ABTB3: variants seen among roughly 807,000 people sequenced by gnomAD.
The protein encoded by ABTB3 is ankyrin repeat and BTB domain containing 3.
chr12:107,610,302 A>C, the ABTB3 span: 1 of 1,614,140 alleles, frequency 6.2e-7, no homozygotes. Flanking sequence ...AGACCTGGTG[A>C]AGCAGGCAGT....
At chr12:107,392,350 G>T in the ABTB3 span, among the ~76,000 whole-genome samples, 1 of 152,018 alleles carries the variant, frequency 6.6e-6, no homozygotes, top group African/African-American at 2.4e-5. Context: ...ACTGTTCCTG[G>T]GGATCTGACC....
the ABTB3 span, among the ~76,000 whole-genome samples, chr12:107,389,433 T>C: frequency 6.6e-6 from 1 of 152,140 alleles, no homozygotes; most frequent in East Asian, 1.9e-4. Context: ...TGATAGAGCT[T>C]ATAAATGATA....
the ABTB3 span, among the ~76,000 whole-genome samples, chr12:107,627,051 T>C: frequency 6.6e-6 from 1 of 152,212 alleles, no homozygotes; most frequent in Non-Finnish European, 1.5e-5. Context: ...CGTTCCCAGT[T>C]CCACACAAAA....
chr12:107,491,129 A>G, the ABTB3 span, among the ~76,000 whole-genome samples: 7 of 137,260 alleles, frequency 5.1e-5, no homozygotes, highest in Non-Finnish European at 1.1e-4. Flanking sequence ...TCCAAGACCA[A>G]GGATACAGAG....
At chr12:107,557,169 A>C in the ABTB3 span, among the ~76,000 whole-genome samples, 1 of 152,202 alleles carries the variant, frequency 6.6e-6, no homozygotes, top group Admixed American at 6.5e-5. Context: ...TGATTTTGTC[A>C]TTGTGGGAAC....
chr12:107,580,848 A>T, the ABTB3 span: 1 of 1,544,166 alleles, frequency 6.5e-7, no homozygotes, highest in South Asian at 1.2e-5. Context: ...CGAGAGGGAT[A>T]ATATTCCCAG....
chr12:107,567,635 G>A, the ABTB3 span, among the ~76,000 whole-genome samples: 1 of 152,156 alleles, frequency 6.6e-6, no homozygotes, highest in Non-Finnish European at 1.5e-5. Flanking sequence ...TCCATGGCCT[G>A]TTAGGAACCA....
the ABTB3 span, among the ~76,000 whole-genome samples, chr12:107,351,651 G>A: frequency 1.3e-5 from 2 of 152,120 alleles, no homozygotes; most frequent in East Asian, 1.9e-4. Flanking sequence ...TCTCTCTCTT[G>A]CACTGTCTCT....
the ABTB3 span, among the ~76,000 whole-genome samples, chr12:107,653,509 T>C: frequency 7.1e-6 from 1 of 140,920 alleles, no homozygotes; most frequent in Non-Finnish European, 1.6e-5. Context: ...AGAGCAAGAC[T>C]CTGTCTCAAA....
the ABTB3 span, among the ~76,000 whole-genome samples, chr12:107,503,899 A>G: frequency 1.3e-5 from 2 of 152,136 alleles, no homozygotes; most frequent in Non-Finnish European, 2.9e-5. Flanking sequence ...AAAAGTTGAG[A>G]AACATTGAGT....
chr12:107,354,997 T>C, the ABTB3 span, among the ~76,000 whole-genome samples: 1 of 152,218 alleles, frequency 6.6e-6, no homozygotes, highest in Non-Finnish European at 1.5e-5. Context: ...ACATTCTTTT[T>C]TGTCGCTGAG....
the ABTB3 span, chr12:107,320,731 G>A: frequency 2.2e-6 from 1 of 455,100 alleles, no homozygotes; most frequent in Non-Finnish European, 4.4e-6. Flanking sequence ...GGTGGGGGCT[G>A]CGGGATGGAC....
the ABTB3 span, among the ~76,000 whole-genome samples, chr12:107,462,707 GTGA>G: frequency 6.6e-6 from 1 of 151,166 alleles, no homozygotes; most frequent in Admixed American, 6.6e-5. Context: ...GATGGTGGTG[GTGA>G]TGATAATAGT....
At chr12:107,360,455 G>T in the ABTB3 span, among the ~76,000 whole-genome samples, 7 of 152,180 alleles carry the variant, frequency 4.6e-5, no homozygotes, top group Admixed American at 3.3e-4. Flanking sequence ...AAAATCCCAG[G>T]TTCCCATTTC....
At chr12:107,482,890 C>T in the ABTB3 span, among the ~76,000 whole-genome samples, 3 of 130,666 alleles carry the variant, frequency 2.3e-5, no homozygotes, top group Non-Finnish European at 3.5e-5. Flanking sequence ...TTTCTTCTCT[C>T]GTTCTCTCTC....
At chr12:107,409,528 A>G in the ABTB3 span, among the ~76,000 whole-genome samples, 2 of 152,238 alleles carry the variant, frequency 1.3e-5, no homozygotes, top group Non-Finnish European at 2.9e-5. Context: ...TGCAACCATA[A>G]AAAGGAATGA....
chr12:107,486,714 C>A, the ABTB3 span: 3 of 147,054 alleles, frequency 2.0e-5, no homozygotes, highest in Admixed American at 2.1e-4. Flanking sequence ...TCCTCGGGAC[C>A]TCCAAGGGGC....
At chr12:107,554,912 A>G in the ABTB3 span, among the ~76,000 whole-genome samples, 2 of 152,308 alleles carry the variant, frequency 1.3e-5, no homozygotes, top group Non-Finnish European at 2.9e-5. Flanking sequence ...TCCCTGGTAG[A>G]GCTTAGCCTG....
At chr12:107,545,233 T>TTATTTTTCTTTTTC in the ABTB3 span, among the ~76,000 whole-genome samples, 5 of 152,208 alleles carry the variant, frequency 3.3e-5, 1 homozygote, top group Admixed American at 3.3e-4. Flanking sequence ...GTTTCTTTTT[T>TTATTTTTCTTTTTC]TCTTTTTCTT....
Sources: allele counts gnomAD v4.1 joint callset (sites outside exome capture counted in the v4.1 genomes callset), GRCh38; gene constraint gnomAD v4.1.1; transcripts MANE v1.5; gene names NCBI Gene and HGNC (gene_info 2026-07-23, HGNC 2026-07-21).